Variants in CYP4F22 observed in about 807,000 individuals in gnomAD.
CYP4F22 encodes cytochrome P450 family 4 subfamily F member 22, also known as ultra-long-chain fatty acid omega-hydroxylase.
In CYP4F22, 37 loss-of-function variants were observed where a neutral mutation model predicts 60.4. The observed-to-expected ratio is 0.61, with a 90% confidence interval of 0.47 to 0.81. CYP4F22 has a LOEUF of 0.81. CYP4F22 is among the 30% of genes least tolerant of loss of function. CYP4F22 has a pLI of 0.00. For synonymous variants in CYP4F22, 258 were observed against 280.5 expected (o/e 0.92, Z 0.80); for missense variants, 655 against 715.0 (o/e 0.92, Z 0.96).
chr19:15,516,833 TTC>T, intron 1 of CYP4F22: 7 of 400,960 alleles, frequency 1.7e-5, no homozygotes, highest in Non-Finnish European at 1.9e-5. Context: ...AGAGATGTTA[TTC>T]TTTTTTTTTT....
intron 10 of CYP4F22, among the ~76,000 whole-genome samples, chr19:15,545,453 GC>G (rs1971511231): frequency 6.6e-6 from 1 of 151,786 alleles, no homozygotes; most frequent in Admixed American, 6.6e-5. Flanking sequence ...TTTGAGACCA[GC>G]CTGGGCAACA....
intron 1 of CYP4F22, among the ~76,000 whole-genome samples, chr19:15,508,997 A>G (rs1447101647): frequency 1.3e-5 from 2 of 151,986 alleles, no homozygotes; most frequent in Admixed American, 1.3e-4. Context: ...ATTCGCCCTG[A>G]GATTTCACCA....
chr19:15,538,401 G>A (rs1409840939), intron 7 of CYP4F22, among the ~76,000 whole-genome samples: 1 of 152,194 alleles, frequency 6.6e-6, no homozygotes, highest in African/African-American at 2.4e-5. Flanking sequence ...GATGCTTTAA[G>A]GATAAAATGA....
intron 1 of CYP4F22, among the ~76,000 whole-genome samples, chr19:15,513,531 AT>A (rs1054339420): frequency 6.6e-6 from 1 of 151,460 alleles, no homozygotes. Flanking sequence ...CGCCCGGCTA[AT>A]TTTTTTTATT....
chr19:15,548,043 G>GTT, intron 10 of CYP4F22, 65 bp from the exon 11 acceptor site: 1 of 1,364,600 alleles, frequency 7.3e-7, no homozygotes, highest in African/African-American at 1.5e-5. Context: ...GTGTGTGTGT[G>GTT]TGTGTGTTTT....
chr19:15,522,329 T>C (rs1220632654), intron 1 of CYP4F22, among the ~76,000 whole-genome samples: 1 of 152,026 alleles, frequency 6.6e-6, no homozygotes, highest in Non-Finnish European at 1.5e-5. Context: ...GATCTCCAAA[T>C]CTGATGATGA....
chr19:15,531,533 C>T (rs1281459712), intron 4 of CYP4F22, among the ~76,000 whole-genome samples: 1 of 152,218 alleles, frequency 6.6e-6, no homozygotes, highest in Non-Finnish European at 1.5e-5. Flanking sequence ...CAGCTATTCC[C>T]TCTCAATGCC....
chr19:15,525,620 G>C, intron 3 of CYP4F22, 62 bp downstream of exon 3: 2 of 1,511,544 alleles, frequency 1.3e-6, no homozygotes, highest in Non-Finnish European at 9.0e-7. Context: ...TAATAGGTAG[G>C]GATGGTGGGC....
intron 4 of CYP4F22, among the ~76,000 whole-genome samples, chr19:15,534,918 A>T (rs1951661846): frequency 6.6e-6 from 1 of 152,124 alleles, no homozygotes. Context: ...TGAAGGTGAT[A>T]TGTTGGGGGG....
intron 7 of CYP4F22, 144 bp downstream of exon 7, chr19:15,538,137 C>A (rs1971420986): frequency 1.7e-6 from 2 of 1,148,344 alleles, no homozygotes; most frequent in East Asian, 2.5e-5. Flanking sequence ...GGGAAACTGA[C>A]CATCTCTCTG....
intron 3 of CYP4F22, among the ~76,000 whole-genome samples, chr19:15,528,644 T>C (rs1267336318): frequency 2.0e-5 from 3 of 152,214 alleles, no homozygotes; most frequent in African/African-American, 7.2e-5. Flanking sequence ...AGAACCCTTG[T>C]CTCAGGACTT....
chr19:15,548,709 C>T (rs1217482083), intron 11 of CYP4F22, among the ~76,000 whole-genome samples: 1 of 152,062 alleles, frequency 6.6e-6, no homozygotes, highest in Non-Finnish European at 1.5e-5. Flanking sequence ...GGAGGGCTGC[C>T]TGGAGGAGGG....
chr19:15,548,384 G>T lies in CYP4F22; in HGVS notation c.1270+143G>T, dbSNP rs74829739. The T allele has an allele frequency of 1.1e-3, 1,526 of 1,340,302 alleles. 14 individuals carry two copies. In the African/African-American group the frequency reaches 0.019, roughly 17 times the overall value. The allele number at this position is 1,340,302 out of a possible 1,614,324, so 83.0% of individuals were successfully genotyped here. ...CTCTCTGTGTGCCTGTTGCTTCTGG[G>T]GTGTTGGAGAAAACCCAGTTGTGTG... On this transcript the variant is annotated intron_variant, in intron 11 of 13. Transcript: ENST00000269703.
Position 15,519,109 on chromosome 19 carries a change from G to A in CYP4F22, c.-108-4584G>A, listed in dbSNP as rs547286700. 5.3e-5 allele frequency among the ~76,000 whole-genome samples: 8 copies of A among 152,212 alleles called. No individual in the cohort carries two copies. The East Asian group carries it at 1.4e-3, about 26-fold the overall frequency. On this transcript the variant is annotated intron_variant, in intron 1 of 13. Coordinates refer to ENST00000269703, the MANE Select transcript of CYP4F22 (RefSeq NM_173483.4). ...GGCAGTGCTGGACACTGAGACATGG[G>A]AATTGCCTTTGAGATAGGATTTCTG...
intron 7 of CYP4F22, among the ~76,000 whole-genome samples, chr19:15,538,434 GTT>G (rs1237434504): frequency 1.3e-5 from 2 of 152,186 alleles, no homozygotes; most frequent in African/African-American, 4.8e-5. Context: ...CTGGCACATA[GTT>G]GATGCTCAGA....
intron 8 of CYP4F22, among the ~76,000 whole-genome samples, chr19:15,541,488 C>T (rs182520101): frequency 1.2e-4 from 17 of 145,814 alleles, no homozygotes; most frequent in Admixed American, 9.5e-4. Flanking sequence ...TCTCCAAACA[C>T]GGTCATAGCC....
At chr19:15,551,167 C>G in intron 13 of CYP4F22, 127 bp from the exon 14 acceptor site, 2 of 1,221,992 alleles carry the variant, frequency 1.6e-6, no homozygotes, top group Non-Finnish European at 1.2e-6. Flanking sequence ...CCTCACCCAG[C>G]GTGGGGTTTC....
At chr19:15,522,568 C>T (rs1013473870) in intron 1 of CYP4F22, among the ~76,000 whole-genome samples, 1 of 151,940 alleles carries the variant, frequency 6.6e-6, no homozygotes, top group Non-Finnish European at 1.5e-5. Context: ...CCCAGCTACT[C>T]TGGAGGCTGA....
At chr19:15,516,789 A>G (rs899054861) in intron 1 of CYP4F22, 2 of 570,496 alleles carry the variant, frequency 3.5e-6, no homozygotes, top group East Asian at 4.6e-5. Context: ...TGCTCAGAGG[A>G]TCTCATGAGA....
Sources: gnomAD v4.1 joint callset for allele counts (sites outside exome capture counted in the v4.1 genomes callset) on GRCh38, gnomAD v4.1.1 for gene constraint, MANE v1.5 for transcripts, NCBI Gene and HGNC (gene_info 2026-07-23, HGNC 2026-07-21) for gene names.